Variants in TGFBR3 observed in about 807,000 individuals in gnomAD.
TGFBR3 encodes transforming growth factor beta receptor type 3.
TGFBR3 carries 46 observed loss-of-function variants against 87.9 expected under a neutral mutation model. The ratio of observed to expected loss-of-function variants is 0.52; its 90% CI spans 0.41 to 0.67. The LOEUF (loss-of-function observed/expected upper bound fraction) is 0.67, where lower values mean the gene tolerates loss of function less well. Among genes scored for constraint, TGFBR3 ranks in the 30% least tolerant of loss-of-function variants. TGFBR3 has a pLI of 0.00. For synonymous variants in TGFBR3, 381 were observed against 391.6 expected (o/e 0.97, Z 0.32); for missense variants, 866 against 1,041.9 (o/e 0.83, Z 2.32).
At chr1:91,707,179 TGGTGGTA>T (rs1671826676) in intron 14 of TGFBR3, among the ~76,000 whole-genome samples, 1 of 152,212 alleles carries the variant, frequency 6.6e-6, no homozygotes, top group Non-Finnish European at 1.5e-5. Flanking sequence ...CCCAAAGAGC[TGGTGGTA>T]GGGGGGTTCT....
At chr1:91,843,524 G>C (rs1225287098) in intron 2 of TGFBR3, among the ~76,000 whole-genome samples, 1 of 152,218 alleles carries the variant, frequency 6.6e-6, no homozygotes, top group African/African-American at 2.4e-5. Flanking sequence ...TGTTATAGCA[G>C]TCCAAACTAG....
intron 3 of TGFBR3, among the ~76,000 whole-genome samples, chr1:91,759,527 G>A (rs1379369277): frequency 6.6e-6 from 1 of 152,112 alleles, no homozygotes; most frequent in African/African-American, 2.4e-5. Flanking sequence ...GAATGGAGCT[G>A]CAAACCATGG....
intron 16 of TGFBR3, among the ~76,000 whole-genome samples, chr1:91,694,713 G>A (rs1671373167): frequency 6.6e-6 from 1 of 152,166 alleles, no homozygotes; most frequent in South Asian, 2.1e-4. Context: ...GACAATTAAT[G>A]AAATTATAAA....
chr1:91,863,097 G>A (rs1042464785), intron 1 of TGFBR3, among the ~76,000 whole-genome samples: 1 of 152,220 alleles, frequency 6.6e-6, no homozygotes, highest in Non-Finnish European at 1.5e-5. Context: ...CTGCAGGACA[G>A]GGGTGGGAGG....
intron 14 of TGFBR3, among the ~76,000 whole-genome samples, chr1:91,699,298 T>A (rs573347985): frequency 2.6e-5 from 4 of 152,122 alleles, no homozygotes; most frequent in Non-Finnish European, 5.9e-5. Flanking sequence ...GGGGGACCTT[T>A]GCTGAGTCTC....
intron 1 of TGFBR3, among the ~76,000 whole-genome samples, chr1:91,900,285 T>C (rs1679684307): frequency 2.0e-5 from 3 of 152,058 alleles, no homozygotes; most frequent in African/African-American, 7.2e-5. Context: ...GGCTAATTTT[T>C]GTATTTTTAG....
At chr1:91,854,322 T>C (rs1344903767) in intron 2 of TGFBR3, among the ~76,000 whole-genome samples, 1 of 152,060 alleles carries the variant, frequency 6.6e-6, no homozygotes, top group Non-Finnish European at 1.5e-5. Flanking sequence ...GTGCCAGTCA[T>C]GTCCTTCACC....
chr1:91,770,224 T>C (rs1674327637), intron 3 of TGFBR3, among the ~76,000 whole-genome samples: 1 of 149,774 alleles, frequency 6.7e-6, no homozygotes, highest in Non-Finnish European at 1.5e-5. Context: ...ATCCCAACCC[T>C]GGATTAAAAA....
At chr1:91,761,932 T>C (rs1359779901) in intron 3 of TGFBR3, among the ~76,000 whole-genome samples, 1 of 152,156 alleles carries the variant, frequency 6.6e-6, no homozygotes, top group East Asian at 1.9e-4. Flanking sequence ...CAAATAAATA[T>C]CCCATGAAGA....
At chr1:91,883,477 AG>A (rs970897009) in intron 1 of TGFBR3, among the ~76,000 whole-genome samples, 1 of 152,214 alleles carries the variant, frequency 6.6e-6, no homozygotes, top group African/African-American at 2.4e-5. Flanking sequence ...AAAGCAACTT[AG>A]TTATTTTGCT....
chr1:91,800,272 ACACACACT>A (rs778511743), intron 2 of TGFBR3, among the ~76,000 whole-genome samples: 1 of 147,078 alleles, frequency 6.8e-6, no homozygotes, highest in Non-Finnish European at 1.5e-5. Context: ...ACACACACAC[ACACACACT>A]CACGCATATA....
At chr1:91,685,060 T>C (rs1671043338) in intron 16 of TGFBR3, among the ~76,000 whole-genome samples, 1 of 152,146 alleles carries the variant, frequency 6.6e-6, no homozygotes, top group Non-Finnish European at 1.5e-5. Flanking sequence ...CTGGGGCCCC[T>C]CAAAAGCCTC....
intron 4 of TGFBR3, among the ~76,000 whole-genome samples, chr1:91,741,610 C>A (rs1673160404): frequency 2.6e-5 from 4 of 152,120 alleles, no homozygotes; most frequent in Admixed American, 2.0e-4. Context: ...GCAACCAGCC[C>A]CCATCCAGAG....
chr1:91,705,760 T>C (rs1442446718), intron 14 of TGFBR3, among the ~76,000 whole-genome samples: 1 of 152,238 alleles, frequency 6.6e-6, no homozygotes, highest in African/African-American at 2.4e-5. Flanking sequence ...ACCGCCTCAA[T>C]TTATTTAACA....
At chr1:91,690,799 A>T (rs544799105) in intron 16 of TGFBR3, among the ~76,000 whole-genome samples, 1 of 152,330 alleles carries the variant, frequency 6.6e-6, no homozygotes, top group African/African-American at 2.4e-5. Flanking sequence ...CTAAAGAGGA[A>T]AGATCCAATG....
intron 2 of TGFBR3, among the ~76,000 whole-genome samples, chr1:91,857,530 C>T (rs1485249605): frequency 6.6e-6 from 1 of 152,162 alleles, no homozygotes; most frequent in Non-Finnish European, 1.5e-5. Flanking sequence ...CACAGGGCTT[C>T]CCCTCGTGAC....
At chr1:91,695,863 T>G (rs953883372) in intron 15 of TGFBR3, 84 bp from the exon 16 acceptor site, 1 of 1,110,360 alleles carries the variant, frequency 9.0e-7, no homozygotes, top group Non-Finnish European at 1.4e-6. Context: ...TCACAAGCAC[T>G]GTCATAAAGG....
At chr1:91,769,558 C>T (rs1674302533) in intron 3 of TGFBR3, among the ~76,000 whole-genome samples, 1 of 152,116 alleles carries the variant, frequency 6.6e-6, no homozygotes, top group South Asian at 2.1e-4. Context: ...CTCCAAGGCT[C>T]ACTTCACTCT....
At chr1:91,788,083 A>C (rs1437218494) in intron 3 of TGFBR3, among the ~76,000 whole-genome samples, 2 of 152,234 alleles carry the variant, frequency 1.3e-5, no homozygotes, top group Non-Finnish European at 2.9e-5. Context: ...AGGCTTCATA[A>C]GCTGGGGAGG....
Sources: gnomAD v4.1 joint callset for allele counts (sites outside exome capture counted in the v4.1 genomes callset) on GRCh38, gnomAD v4.1.1 for gene constraint, MANE v1.5 for transcripts, NCBI Gene and HGNC (gene_info 2026-07-23, HGNC 2026-07-21) for gene names.